C10orf90: variants seen among roughly 807,000 people sequenced by gnomAD.
C10orf90 encodes the protein chromosome 10 open reading frame 90, also known as (E2-independent) E3 ubiquitin-conjugating enzyme FATS.
Under a neutral mutation model 62.5 loss-of-function variants are expected in C10orf90, and 56 were observed. That is an observed-to-expected ratio of 0.90 (90% CI 0.72 to 1.12). The LOEUF (loss-of-function observed/expected upper bound fraction) is 1.12, where lower values mean the gene tolerates loss of function less well. Ranked by LOEUF, C10orf90 falls within the 50% of genes most tolerant of loss-of-function variation. C10orf90 has a pLI of 0.00. For missense variants in C10orf90, 970 were observed against 880.4 expected (o/e 1.10, Z -1.29); for synonymous variants, 386 against 340.4 (o/e 1.13, Z -1.47).
At chr10:126,450,936 C>A (rs1394748491) in intron 7 of C10orf90, among the ~76,000 whole-genome samples, 6 of 151,960 alleles carry the variant, frequency 3.9e-5, no homozygotes, top group South Asian at 2.1e-4. Context: ...ATATGCAAAC[C>A]ATATGTCCAA....
chr10:126,485,628 G>T (rs1861388221), intron 4 of C10orf90, among the ~76,000 whole-genome samples: 3 of 151,990 alleles, frequency 2.0e-5, no homozygotes, highest in African/African-American at 7.2e-5. Flanking sequence ...AAAAATTCTT[G>T]TGCTCTGAAG....
intron 2 of C10orf90, among the ~76,000 whole-genome samples, chr10:126,547,288 G>A (rs1056249749): frequency 4.6e-5 from 7 of 151,672 alleles, no homozygotes; most frequent in Admixed American, 1.3e-4. Flanking sequence ...GCGTGGTGGC[G>A]GGCGCCTGTA....
chr10:126,617,312 A>G (rs1435500122), intron 2 of C10orf90, among the ~76,000 whole-genome samples: 1 of 152,198 alleles, frequency 6.6e-6, no homozygotes, highest in Non-Finnish European at 1.5e-5. Context: ...TCTCCCCAGG[A>G]GGCCAATGAA....
Position 126,518,223 on chromosome 10 carries a change from G to A in C10orf90, c.314-4284C>T, listed in dbSNP as rs78994495. Among the ~76,000 whole-genome samples the A allele has an allele frequency of 5.5e-3, 842 of 152,254 alleles. 8 individuals carry two copies. Among genetic ancestry groups the A allele is most frequent in the African/African-American group, 0.019 (773 of 41,560 alleles). ...CCCAGACCAGCAGCATCCACACGAT[G>A]GGGGCACTTGTTGGAAATTCACATT... On this transcript the variant is annotated intron_variant, in intron 2 of 9. Transcript: ENST00000488181.
intron 2 of C10orf90, among the ~76,000 whole-genome samples, chr10:126,636,133 T>C (rs897835002): frequency 6.6e-6 from 1 of 152,238 alleles, no homozygotes; most frequent in African/African-American, 2.4e-5. Context: ...AGACCTTACC[T>C]GTCTTCTGCT....
intron 4 of C10orf90, among the ~76,000 whole-genome samples, chr10:126,465,658 C>T (rs1266502919): frequency 6.6e-6 from 1 of 152,104 alleles, no homozygotes; most frequent in Admixed American, 6.5e-5. Flanking sequence ...GTGCATAGCT[C>T]TAATAAAGCA....
At chr10:126,546,358 C>A (rs903370875) in intron 2 of C10orf90, among the ~76,000 whole-genome samples, 5 of 152,240 alleles carry the variant, frequency 3.3e-5, no homozygotes. Context: ...AGAATTCTCA[C>A]CCCTGCCTGC....
intron 4 of C10orf90, among the ~76,000 whole-genome samples, chr10:126,493,576 C>T (rs11245002): frequency 0.023 from 2,829 of 124,696 alleles, 39 homozygotes; most frequent in South Asian, 0.073. Context: ...AGGCTGGTCT[C>T]GAACTTCTGA....
At chr10:126,564,850 TTATATAAAA>T (rs1172647215) in intron 2 of C10orf90, among the ~76,000 whole-genome samples, 1 of 25,248 alleles carries the variant, frequency 4.0e-5, no homozygotes, top group African/African-American at 2.1e-4. Flanking sequence ...ATATTATATA[TTATATAAAA>T]TATATATTAT....
intron 4 of C10orf90, among the ~76,000 whole-genome samples, chr10:126,484,374 T>C (rs766674896): frequency 6.6e-6 from 1 of 152,176 alleles, no homozygotes; most frequent in African/African-American, 2.4e-5. Context: ...TTAACCACTG[T>C]GGTCCCTAAT....
intron 7 of C10orf90, 141 bp downstream of exon 7, chr10:126,458,899 G>C (rs1859762669): frequency 1.1e-6 from 1 of 895,928 alleles, no homozygotes; most frequent in Non-Finnish European, 1.7e-6. Flanking sequence ...ATGATGCTGA[G>C]GGTCAGCCAC....
chr10:126,625,791 C>T (rs548452440), intron 2 of C10orf90, among the ~76,000 whole-genome samples: 1 of 152,142 alleles, frequency 6.6e-6, no homozygotes, highest in East Asian at 1.9e-4. Context: ...GGATGGAGAC[C>T]TTCCACGAAA....
rs376971607 is a variant in C10orf90, at chr10:126,463,529, A to G, written c.1825+1167T>C. Among the ~76,000 whole-genome samples the G allele has an allele frequency of 2.0e-4, 30 of 152,224 alleles. No homozygotes were observed. In the East Asian group the frequency reaches 5.0e-3, roughly 26 times the overall value. The stretch of plus-strand genomic sequence containing the variant: ...CACGTGACCCCTGCAGACTCACGCC[A>G]GCCACTGCCACCCCCACAACCCTTG... On this transcript the variant is annotated intron_variant, in intron 5 of 9. Transcript: ENST00000488181.
intron 2 of C10orf90, among the ~76,000 whole-genome samples, chr10:126,557,025 A>G (rs943627529): frequency 5.3e-5 from 8 of 151,634 alleles, no homozygotes; most frequent in African/African-American, 1.9e-4. Context: ...AAAAAAAAAA[A>G]AAGGCAAAAA....
intron 2 of C10orf90, among the ~76,000 whole-genome samples, chr10:126,516,814 G>T (rs1441304676): frequency 6.6e-6 from 1 of 152,054 alleles, no homozygotes; most frequent in East Asian, 1.9e-4. Flanking sequence ...GGCAGGGCTG[G>T]GTTCCTTTCT....
chr10:126,436,017 C>T (rs1028162395), intron 7 of C10orf90, among the ~76,000 whole-genome samples: 2 of 152,116 alleles, frequency 1.3e-5, no homozygotes, highest in East Asian at 1.9e-4. Flanking sequence ...AAAGGGTTCC[C>T]CATAAAACCT....
chr10:126,661,420 A>G (rs1255442398), intron 1 of C10orf90, among the ~76,000 whole-genome samples: 1 of 152,192 alleles, frequency 6.6e-6, no homozygotes, highest in Non-Finnish European at 1.5e-5. Flanking sequence ...GAGAACAAGA[A>G]AATTGCCAAG....
chr10:126,539,651 T>C (rs1354179623), intron 2 of C10orf90, among the ~76,000 whole-genome samples: 2 of 152,178 alleles, frequency 1.3e-5, no homozygotes, highest in African/African-American at 4.8e-5. Flanking sequence ...AAAAGAAATA[T>C]AATACTTATT....
At chr10:126,431,672 C>G (rs1051748318) in intron 7 of C10orf90, among the ~76,000 whole-genome samples, 6 of 152,150 alleles carry the variant, frequency 3.9e-5, no homozygotes, top group Admixed American at 3.3e-4. Context: ...TAGGGTGAGG[C>G]CAGGGTAGAC....
Sources: gnomAD v4.1 joint callset for allele counts (sites outside exome capture counted in the v4.1 genomes callset) on GRCh38, gnomAD v4.1.1 for gene constraint, MANE v1.5 for transcripts, NCBI Gene and HGNC (gene_info 2026-07-23, HGNC 2026-07-21) for gene names.